The following LIMS1 variants were observed in gnomAD, a reference collection of about 807,000 sequenced individuals.
The protein encoded by LIMS1 is LIM and senescent cell antigen-like-containing domain protein 1.
Under a neutral mutation model 44.1 loss-of-function variants are expected in LIMS1, and 18 were observed. The observed-to-expected ratio is 0.41, with a 90% confidence interval of 0.28 to 0.61. The LOEUF is 0.61. Among genes scored for constraint, LIMS1 ranks in the 20% least tolerant of loss-of-function variants. LIMS1 has a pLI of 0.32. For synonymous variants in LIMS1, 93 were observed against 149.1 expected (o/e 0.62, Z 2.74); for missense variants, 201 against 422.0 (o/e 0.48, Z 4.59).
chr2:108,637,214 A>G (rs1420425030), intron 1 of LIMS1, among the ~76,000 whole-genome samples: 1 of 152,048 alleles, frequency 6.6e-6, no homozygotes, highest in Non-Finnish European at 1.5e-5. Flanking sequence ...AAATCTACAC[A>G]AAACATGTTC....
At chr2:108,604,120 C>T (rs1019152419) in intron 1 of LIMS1, among the ~76,000 whole-genome samples, 2 of 152,058 alleles carry the variant, frequency 1.3e-5, no homozygotes, top group South Asian at 4.1e-4. Context: ...GTTTCCTTTC[C>T]ATGTATTTAT....
At chr2:108,591,323 C>G (rs1287230006) in intron 1 of LIMS1, among the ~76,000 whole-genome samples, 1 of 152,106 alleles carries the variant, frequency 6.6e-6, no homozygotes, top group East Asian at 1.9e-4. Context: ...AAGGACTGAG[C>G]AAATGATGCG....
intron 1 of LIMS1, among the ~76,000 whole-genome samples, chr2:108,565,765 A>G (rs1365831427): frequency 6.6e-6 from 1 of 152,170 alleles, no homozygotes; most frequent in African/African-American, 2.4e-5. Context: ...GGGAAGTCCT[A>G]AATGAAGGCA....
intron 1 of LIMS1, among the ~76,000 whole-genome samples, chr2:108,651,117 C>T (rs1030005819): frequency 2.6e-5 from 4 of 151,828 alleles, no homozygotes; most frequent in Non-Finnish European, 4.4e-5. Context: ...CCTGAAACCC[C>T]GGGGCCTGTT....
At chr2:108,621,213 AGCAG>A in intron 1 of LIMS1, 1 of 1,422,452 alleles carries the variant, frequency 7.0e-7, no homozygotes, top group Non-Finnish European at 9.3e-7. Flanking sequence ...GCTGTGCTTC[AGCAG>A]CTTGGTCTGC....
intron 1 of LIMS1, chr2:108,607,119 T>A: frequency 9.2e-7 from 1 of 1,082,900 alleles, no homozygotes; most frequent in South Asian, 1.4e-5. Flanking sequence ...ACTGCCCTTA[T>A]AAAATAGGCC....
At chr2:108,673,738 AATAT>A (rs1692302071) in intron 5 of LIMS1, 1 of 152,196 alleles carries the variant, frequency 6.6e-6, no homozygotes, top group African/African-American at 2.4e-5. Flanking sequence ...ATAATCTTAT[AATAT>A]CAACTATCAG....
intron 1 of LIMS1, among the ~76,000 whole-genome samples, chr2:108,538,077 T>C (rs1258795497): frequency 6.6e-6 from 1 of 152,234 alleles, no homozygotes; most frequent in Non-Finnish European, 1.5e-5. Flanking sequence ...TTCTCGTAAC[T>C]ACACTTTAAG....
At chr2:108,607,301 A>G in intron 1 of LIMS1, 1 of 1,524,288 alleles carries the variant, frequency 6.6e-7, no homozygotes, top group Non-Finnish European at 8.9e-7. Context: ...TCCAAATGAA[A>G]CACAAATAGA....
intron 9 of LIMS1, chr2:108,681,274 C>T (rs916717312): frequency 3.0e-6 from 3 of 985,190 alleles, no homozygotes; most frequent in Admixed American, 6.2e-5. Context: ...AGTATTTGTC[C>T]TATGTAGAAC....
chr2:108,576,955 G>C (rs1685692183), intron 1 of LIMS1, among the ~76,000 whole-genome samples: 1 of 152,112 alleles, frequency 6.6e-6, no homozygotes, highest in South Asian at 2.1e-4. Context: ...TCCCAAACAG[G>C]GATGCTCATG....
chr2:108,635,105 A>G (rs1689147677), intron 1 of LIMS1, among the ~76,000 whole-genome samples: 1 of 152,136 alleles, frequency 6.6e-6, no homozygotes, highest in Admixed American at 6.5e-5. Context: ...TTGAACAATG[A>G]GTCCATGTGT....
chr2:108,642,093 G>T (rs994496418), intron 1 of LIMS1, among the ~76,000 whole-genome samples: 1 of 152,162 alleles, frequency 6.6e-6, no homozygotes, highest in African/African-American at 2.4e-5. Context: ...AATGCAGTTG[G>T]AGAAGCTTCA....
intron 2 of LIMS1, among the ~76,000 whole-genome samples, chr2:108,670,492 G>T (rs1366736259): frequency 6.6e-6 from 1 of 152,042 alleles, no homozygotes; most frequent in African/African-American, 2.4e-5. Context: ...TTAAAGGCAG[G>T]GTATTTGAGC....
intron 1 of LIMS1, among the ~76,000 whole-genome samples, chr2:108,606,897 A>G (rs1165363625): frequency 3.3e-5 from 5 of 152,216 alleles, no homozygotes. Flanking sequence ...ATATAGCACA[A>G]TTAGTTGTTA....
intron 1 of LIMS1, among the ~76,000 whole-genome samples, chr2:108,644,582 C>T (rs543083381): frequency 9.9e-5 from 15 of 152,194 alleles, no homozygotes; most frequent in African/African-American, 3.4e-4. Context: ...AACCAGAACA[C>T]CTCTTCTCCT....
At chr2:108,628,900 A>G (rs1688737912) in intron 1 of LIMS1, among the ~76,000 whole-genome samples, 1 of 152,216 alleles carries the variant, frequency 6.6e-6, no homozygotes, top group Non-Finnish European at 1.5e-5. Flanking sequence ...GGCTAAAGTG[A>G]TCCTCAGCCT....
chr2:108,585,293 T>G (rs1224570504), intron 1 of LIMS1, among the ~76,000 whole-genome samples: 1 of 151,900 alleles, frequency 6.6e-6, no homozygotes, highest in Non-Finnish European at 1.5e-5. Flanking sequence ...GCTGGCTGTG[T>G]CTGTTGGATT....
At chr2:108,663,763 A>AT (rs928785704) in intron 2 of LIMS1, among the ~76,000 whole-genome samples, 16 of 149,998 alleles carry the variant, frequency 1.1e-4, no homozygotes, top group Admixed American at 4.6e-4. Flanking sequence ...TTTTATTTTT[A>AT]TTTTTTTTGA....
Sources: allele counts gnomAD v4.1 joint callset (sites outside exome capture counted in the v4.1 genomes callset), GRCh38; gene constraint gnomAD v4.1.1; transcripts MANE v1.5; gene names NCBI Gene and HGNC (gene_info 2026-07-23, HGNC 2026-07-21).